Variants in IRAG2 observed in about 807,000 individuals in gnomAD.
The protein encoded by IRAG2 is lymphoid restricted membrane protein.
In IRAG2, 45 loss-of-function variants were observed where a neutral mutation model predicts 69.9. The ratio of observed to expected loss-of-function variants is 0.64; its 90% confidence interval spans 0.51 to 0.83. The LOEUF is 0.83. Among genes scored for constraint, IRAG2 ranks in the 40% least tolerant of loss-of-function variants. The probability of loss-of-function intolerance (pLI) is 0.00; values close to 1 mark genes in which losing one functional copy is unlikely to be tolerated. For missense variants in IRAG2, 520 were observed against 587.0 expected (o/e 0.89, Z 1.18); for synonymous variants, 193 against 202.4 (o/e 0.95, Z 0.40).
At chr12:25,099,227 T>G (rs1369549402) in intron 15 of IRAG2, among the ~76,000 whole-genome samples, 2 of 152,152 alleles carry the variant, frequency 1.3e-5, no homozygotes, top group East Asian at 3.9e-4. Flanking sequence ...CTTGGATGTT[T>G]GATAAACTCA....
chr12:25,074,251 A>G (rs530764015), intron 6 of IRAG2, among the ~76,000 whole-genome samples: 73 of 152,358 alleles, frequency 4.8e-4, no homozygotes, highest in Non-Finnish European at 1.3e-4. Context: ...ATGGAAACAA[A>G]CCAACTAGGT....
chr12:25,060,536 C>T (rs1027589121), intron 1 of IRAG2, among the ~76,000 whole-genome samples: 1 of 152,020 alleles, frequency 6.6e-6, no homozygotes, highest in African/African-American at 2.4e-5. Flanking sequence ...TCAGTGTTCT[C>T]ATGATCTGAG....
intron 16 of IRAG2, chr12:25,038,171 T>C: frequency 2.5e-6 from 1 of 398,536 alleles, no homozygotes; most frequent in Non-Finnish European, 4.4e-6. Context: ...AATCCATGCT[T>C]TATATACATG....
intron 6 of IRAG2, chr12:25,075,650 T>C (rs1433400892): frequency 6.6e-6 from 1 of 151,896 alleles, no homozygotes; most frequent in Non-Finnish European, 1.5e-5. Flanking sequence ...TACATTAGAC[T>C]CTTGCTGTCA....
intron 4 of IRAG2, among the ~76,000 whole-genome samples, chr12:25,064,114 A>T (rs1945814081): frequency 6.6e-6 from 1 of 152,196 alleles, no homozygotes; most frequent in African/African-American, 2.4e-5. Flanking sequence ...CAGCCCGGGC[A>T]ACATCTCTAA....
chr12:25,053,364 C>T (rs981801293), intron 1 of IRAG2, among the ~76,000 whole-genome samples: 1 of 151,300 alleles, frequency 6.6e-6, no homozygotes, highest in Non-Finnish European at 1.5e-5. Context: ...AGGCCTTGCT[C>T]GTCTATTTTC....
chr12:25,076,359 A>T (rs1946689003), intron 6 of IRAG2: 1 of 931,854 alleles, frequency 1.1e-6, no homozygotes, highest in Non-Finnish European at 1.3e-6. Flanking sequence ...TTATTGAAAG[A>T]CTTCTAACTA....
chr12:25,074,852 G>A (rs1946575992), intron 6 of IRAG2, among the ~76,000 whole-genome samples: 1 of 152,104 alleles, frequency 6.6e-6, no homozygotes, highest in Admixed American at 6.5e-5. Context: ...ACTATCACTG[G>A]GAGGCGGTGA....
upstream of IRAG2, among the ~76,000 whole-genome samples, chr12:25,003,202 A>T (rs189967444): frequency 4.8e-3 from 672 of 141,216 alleles, 5 homozygotes; most frequent in Non-Finnish European, 7.1e-3. Flanking sequence ...TTAGGGGATT[A>T]AAAAAAAGAT....
At chr12:25,050,562 C>T (rs1444959542), upstream of IRAG2, among the ~76,000 whole-genome samples, 1 of 128,210 alleles carries the variant, frequency 7.8e-6, no homozygotes, top group Non-Finnish European at 1.7e-5. Flanking sequence ...CAAAAAAAAA[C>T]AGTTACAGAG....
rs141891743 is a variant in IRAG2, at chr12:25,088,117, A to C, written c.333A>C (p.Pro111=). 7.5e-5 allele frequency: 121 copies of C among 1,613,108 alleles called. No individual in the cohort carries two copies. The highest frequency in any genetic ancestry group is 8.7e-5 in the Non-Finnish European group (102 of 1,179,166). Residue 111 remains proline (P), a synonymous_variant, in exon 11 of 22, where the codon CCA becomes CCC. Coordinates refer to ENST00000556887, the MANE Select transcript of IRAG2 (RefSeq NM_001366544.2). ...GATTTTAGGAAGCCAAAGAGGAACC[A>C]GAAACAATAGAAGAACATAAAAAAG... is the stretch of plus-strand genomic sequence containing the variant. ...TILNLEAKEE[P]ETIEEHKKEH...
chr12:25,015,307 T>C, intron 4 of IRAG2: 1 of 1,230,688 alleles, frequency 8.1e-7, no homozygotes, highest in Non-Finnish European at 1.0e-6. Flanking sequence ...TTACGGTTTG[T>C]AGAAAATGAT....
intron 1 of IRAG2, among the ~76,000 whole-genome samples, chr12:25,060,595 A>AGCAGAG (rs1945556625): frequency 6.6e-6 from 1 of 151,840 alleles, no homozygotes; most frequent in Non-Finnish European, 1.5e-5. Flanking sequence ...TGAGGGCTCA[A>AGCAGAG]GCAGAGGCTT....
chr12:25,079,779 G>A lies in IRAG2; in HGVS notation c.244+16G>A. On this transcript the variant is annotated intron_variant, in intron 9 of 21. Transcript: ENST00000556887. Reference sequence around the variant, plus strand: ...GAGGCCCAAGGTAAAATGTTGACAGGTGTAAGCATGATTTTAATTCTAAAA... The same window carrying A: ...GAGGCCCAAGGTAAAATGTTGACAGATGTAAGCATGATTTTAATTCTAAAA... 6.6e-7 allele frequency: 1 copy of A among 1,514,896 alleles called. No individual in the cohort carries two copies. The highest frequency in any genetic ancestry group is 1.7e-4 in the Middle Eastern group (1 of 5,874). 93.8% of individuals were successfully genotyped at this position (1,514,896 alleles called of 1,614,324 possible). A position where few individuals can be genotyped will look rare whatever the true frequency, so the allele number is the denominator to read the frequency against.
chr12:25,068,162 G>A (rs115385485), intron 5 of IRAG2, among the ~76,000 whole-genome samples: 1,735 of 151,942 alleles, frequency 0.011, 22 homozygotes, highest in African/African-American at 0.031. Context: ...ACAGAGACAA[G>A]GTTTCTCCAT....
chr12:25,066,493 G>C lies in IRAG2; in HGVS notation c.-78G>C. On this transcript the variant is annotated 5_prime_UTR_variant, in exon 5 of 22. Coordinates refer to ENST00000556887, the MANE Select transcript of IRAG2 (RefSeq NM_001366544.2). ...TGGAGAAGTAAAGGATGGTGCTTTG[G>C]ATGTAAAAAGACAACACAAGTAGGT... The C allele has an allele frequency of 5.0e-6, 2 of 401,270 alleles. No individual in the cohort carries two copies. The highest frequency in any genetic ancestry group is 8.8e-6 in the Non-Finnish European group (2 of 226,224). 24.9% of individuals were successfully genotyped at this position (401,270 alleles called of 1,614,324 possible).
chr12:25,096,844 T>G, intron 14 of IRAG2, 66 bp from the exon 15 acceptor site: 1 of 1,298,152 alleles, frequency 7.7e-7, no homozygotes. Flanking sequence ...TGCAACTTAG[T>G]CAGTGTTAGA....
intron 20 of IRAG2, 75 bp downstream of exon 20, chr12:25,104,537 G>A: frequency 1.2e-6 from 1 of 828,686 alleles, no homozygotes; most frequent in Non-Finnish European, 2.1e-6. Context: ...TTTATTCCAT[G>A]GAGATGAAAT....
chr12:25,053,016 A>G (rs1198200520), intron 1 of IRAG2, 60 bp downstream of exon 1: 1 of 398,136 alleles, frequency 2.5e-6, no homozygotes, highest in Non-Finnish European at 4.4e-6. Context: ...GGGGCATAGG[A>G]CTACAGACAT....
Sources: allele counts gnomAD v4.1 joint callset (sites outside exome capture counted in the v4.1 genomes callset), GRCh38; gene constraint gnomAD v4.1.1; transcripts MANE v1.5; gene names NCBI Gene and HGNC (gene_info 2026-07-23, HGNC 2026-07-21).